FNDC3B: variants seen among roughly 807,000 people sequenced by gnomAD.
FNDC3B encodes fibronectin type III domain containing 3B.
A neutral mutation model predicts 151.5 loss-of-function variants in FNDC3B; 12 were observed. The ratio of observed to expected loss-of-function variants is 0.08; its 90% CI spans 0.05 to 0.13. The LOEUF (loss-of-function observed/expected upper bound fraction) is 0.13. FNDC3B is among the 10% of genes least tolerant of loss of function. The pLI is 1.00. For missense variants in FNDC3B, 1,214 were observed against 1,505.3 expected, an observed-to-expected ratio of 0.81 and a Z score of 3.20; for synonymous variants, 528 against 549.0, an observed-to-expected ratio of 0.96 and a Z score of 0.54.
intron 23 of FNDC3B, among the ~76,000 whole-genome samples, chr3:172,368,832 G>A (rs568488821): frequency 5.3e-5 from 8 of 152,236 alleles, no homozygotes; most frequent in Admixed American, 4.6e-4. Context: ...CCAACATGGC[G>A]AAAACCCGTC....
chr3:172,378,430 A>T lies in FNDC3B; in HGVS notation c.3169A>T (p.Ile1057Phe). 6.2e-7 allele frequency: 1 copy of T among 1,610,256 alleles called. No individual in the cohort carries two copies. The change falls in exon 24 of 26, where the codon ATC (isoleucine) becomes TTC (phenylalanine). Residue 1057 changes from isoleucine to phenylalanine, a missense_variant. Physicochemically the swap from Ile to Phe is conservative, Grantham distance 21 (BLOSUM62 0). Around this residue, in one of 7 missense-constraint regions of FNDC3B, gnomAD observed 284 missense variants for 392.4 expected, o/e 0.72. Coordinates refer to ENST00000415807, the MANE Select transcript of FNDC3B (RefSeq NM_022763.4). ...CACAACCAAAAGTGTCCCCCCCACC[A>T]TCAAAGGTGTGTAGACTATGTATTC... ...FSTTKSVPPT[I>F]KAPRVTQLEG...
intron 3 of FNDC3B, among the ~76,000 whole-genome samples, chr3:172,214,015 A>G (rs1218013503): frequency 1.3e-5 from 2 of 152,100 alleles, no homozygotes; most frequent in African/African-American, 4.8e-5. Context: ...GTGCCGCGCC[A>G]TAAAGCAGTC....
intron 4 of FNDC3B, among the ~76,000 whole-genome samples, chr3:172,234,026 A>C (rs1031441554): frequency 7.2e-5 from 11 of 152,196 alleles, no homozygotes; most frequent in Admixed American, 2.6e-4. Context: ...AAATTAAAGA[A>C]ATGTACCAAG....
intron 3 of FNDC3B, among the ~76,000 whole-genome samples, chr3:172,180,788 A>T (rs1007433925): frequency 6.6e-6 from 1 of 152,216 alleles, no homozygotes; most frequent in African/African-American, 2.4e-5. Flanking sequence ...GTTATAAAAT[A>T]TGCCTGGATT....
At chr3:172,061,398 AT>A (rs995745698) in intron 1 of FNDC3B, among the ~76,000 whole-genome samples, 3 of 150,458 alleles carry the variant, frequency 2.0e-5, no homozygotes, top group Non-Finnish European at 3.0e-5. Context: ...AAGCCCGGCT[AT>A]TTTTTTTTAT....
chr3:172,045,171 C>G (rs554820173), intron 1 of FNDC3B, among the ~76,000 whole-genome samples: 29 of 152,298 alleles, frequency 1.9e-4, no homozygotes, highest in Admixed American at 1.6e-3. Context: ...TTTTCAGAGA[C>G]CTCCAAATTG....
Position 172,133,452 on chromosome 3 carries a change from T to C in FNDC3B, c.112-19T>C. 2 of 1,597,086 alleles carry C rather than the reference T, an allele frequency of 1.3e-6. No homozygotes were observed. The highest frequency in any genetic ancestry group is 1.7e-6 in the Non-Finnish European group (2 of 1,166,222). On this transcript the variant is annotated intron_variant, in intron 2 of 25. Transcript: ENST00000415807. ...AGAGGTTCCAGTATTAAACTGAAAT[T>C]AATGTGTTGTTTTGGCAGGTTATTC...
At chr3:172,196,425 A>G (rs1016387458) in intron 3 of FNDC3B, among the ~76,000 whole-genome samples, 2 of 151,940 alleles carry the variant, frequency 1.3e-5, no homozygotes, top group Non-Finnish European at 2.9e-5. Context: ...GGCCTGAAGG[A>G]TCCTCCTGCC....
intron 3 of FNDC3B, among the ~76,000 whole-genome samples, chr3:172,193,789 A>G (rs1724682543): frequency 6.6e-6 from 1 of 152,176 alleles, no homozygotes; most frequent in Non-Finnish European, 1.5e-5. Flanking sequence ...GTTCCACAAA[A>G]GGAAGATCAA....
At chr3:172,248,109 G>A (rs1727874946) in intron 5 of FNDC3B, among the ~76,000 whole-genome samples, 1 of 152,212 alleles carries the variant, frequency 6.6e-6, no homozygotes, top group Non-Finnish European at 1.5e-5. Context: ...TTGTATGTGA[G>A]AGTGGCCTGA....
chr3:172,175,672 A>G (rs560834053), intron 3 of FNDC3B, among the ~76,000 whole-genome samples: 1 of 152,370 alleles, frequency 6.6e-6, no homozygotes, highest in Non-Finnish European at 1.5e-5. Flanking sequence ...AGTAAAATCT[A>G]GAAGCAGAAT....
intron 25 of FNDC3B, among the ~76,000 whole-genome samples, chr3:172,394,106 TAAAAAAAAA>T (rs60559371): frequency 2.7e-3 from 45 of 16,648 alleles, no homozygotes; most frequent in South Asian, 8.4e-3. Context: ...AGACTCCTTC[TAAAAAAAAA>T]AAAAAAAAAA....
chr3:172,389,944 C>G (rs1735922055), intron 25 of FNDC3B, among the ~76,000 whole-genome samples: 1 of 152,146 alleles, frequency 6.6e-6, no homozygotes, highest in Non-Finnish European at 1.5e-5. Context: ...TTTTTTGCTG[C>G]ACCTATACCA....
At chr3:172,349,989 C>G (rs1576936578) in intron 21 of FNDC3B, among the ~76,000 whole-genome samples, 1 of 152,064 alleles carries the variant, frequency 6.6e-6, no homozygotes, top group Non-Finnish European at 1.5e-5. Context: ...GATCATTATT[C>G]TATAGTTCTG....
intron 3 of FNDC3B, among the ~76,000 whole-genome samples, chr3:172,179,802 G>T (rs935449859): frequency 7.2e-6 from 1 of 139,224 alleles, no homozygotes; most frequent in East Asian, 2.2e-4. Flanking sequence ...AGGATCATTT[G>T]AGCCCAGATG....
intron 3 of FNDC3B, among the ~76,000 whole-genome samples, chr3:172,223,026 C>G (rs1211000080): frequency 6.6e-6 from 1 of 152,214 alleles, no homozygotes; most frequent in Non-Finnish European, 1.5e-5. Flanking sequence ...TAAAGCGGCT[C>G]TCCAACCTTT....
chr3:172,040,672 G>C lies in FNDC3B; in HGVS notation c.-29+901G>C, dbSNP rs2108444728. The stretch of plus-strand genomic sequence containing the variant: ...CGCCTCGGCCGGGGATAGGGCGGGC[G>C]GGCGGAATCTGCGCCCCGAGGCGGC... On this transcript the variant is annotated intron_variant, in intron 1 of 25. Coordinates refer to ENST00000415807, the MANE Select transcript of FNDC3B (RefSeq NM_022763.4). This position sits in a 1 kb window ranked among gnomAD's most constrained non-coding sequence, Gnocchi z 6.6. The C allele has an allele frequency of 6.6e-6, 1 of 152,184 alleles. No homozygotes were observed. Among genetic ancestry groups the C allele is most frequent in the South Asian group, 2.1e-4 (1 of 4,828 alleles). 9.4% of individuals were successfully genotyped at this position (152,184 alleles called of 1,614,324 possible). A position where few individuals can be genotyped will look rare whatever the true frequency, so the allele number is the denominator to read the frequency against.
chr3:172,100,775 T>C (rs1719341918), intron 1 of FNDC3B, among the ~76,000 whole-genome samples: 1 of 152,232 alleles, frequency 6.6e-6, no homozygotes, highest in Non-Finnish European at 1.5e-5. Context: ...GAGAATGTCA[T>C]TAAATGTAAT....
rs540986803 is a variant in FNDC3B, at chr3:172,377,019, C to T, written c.3009-1251C>T. Among the ~76,000 whole-genome samples, 7 of 152,234 alleles carry T rather than the reference C, an allele frequency of 4.6e-5. No individual in the cohort carries two copies. In the South Asian group the frequency reaches 6.2e-4, roughly 13 times the overall value. On this transcript the variant is annotated intron_variant, in intron 23 of 25. Transcript: ENST00000415807. ...CTTGCCCACACTCAGGACCAGCTAA[C>T]GCACAGGGATTAGGTCTTATTCATC...
Sources: allele counts gnomAD v4.1 joint callset (sites outside exome capture counted in the v4.1 genomes callset), GRCh38; gene constraint gnomAD v4.1.1; regional missense constraint gnomAD v4.1.1; non-coding constraint Gnocchi (gnomAD v3.1); transcripts MANE v1.5; gene names NCBI Gene and HGNC (gene_info 2026-07-23, HGNC 2026-07-21).